SPMIP2: variants seen among roughly 807,000 people sequenced by gnomAD.
The protein encoded by SPMIP2 is sperm microtubule inner protein 2.
At chr4:159,000,216 C>T in the SPMIP2 span, among the ~76,000 whole-genome samples, 241 of 152,048 alleles carry the variant, frequency 1.6e-3, 2 homozygotes, top group Non-Finnish European at 3.1e-3. Context: ...AAGTATGTCC[C>T]AAACATTTGC....
chr4:159,032,881 CA>C, the SPMIP2 span, among the ~76,000 whole-genome samples: 1 of 150,828 alleles, frequency 6.6e-6, no homozygotes, highest in Non-Finnish European at 1.5e-5. Context: ...GATGGACATG[CA>C]AAATAGTATA....
At chr4:158,915,352 T>A in the SPMIP2 span, 1 of 1,609,386 alleles carries the variant, frequency 6.2e-7, no homozygotes, top group Non-Finnish European at 8.5e-7. Flanking sequence ...ACATGAGGTT[T>A]TGGTTGCCTG....
the SPMIP2 span, among the ~76,000 whole-genome samples, chr4:158,967,364 TATC>T: frequency 6.6e-6 from 1 of 152,188 alleles, no homozygotes; most frequent in Admixed American, 6.5e-5. Context: ...CTTCTGGTGG[TATC>T]ATAAGACATA....
the SPMIP2 span, among the ~76,000 whole-genome samples, chr4:159,071,513 T>G: frequency 6.6e-6 from 1 of 152,140 alleles, no homozygotes; most frequent in African/African-American, 2.4e-5. Context: ...AGCGATTTCT[T>G]TTAAACAAAA....
chr4:159,006,911 CA>C, the SPMIP2 span, among the ~76,000 whole-genome samples: 3 of 152,086 alleles, frequency 2.0e-5, no homozygotes, highest in African/African-American at 7.2e-5. Context: ...AGGCAAAGCT[CA>C]AAAGAGAAGG....
the SPMIP2 span, among the ~76,000 whole-genome samples, chr4:159,006,400 A>G: frequency 6.6e-6 from 1 of 152,212 alleles, no homozygotes; most frequent in Non-Finnish European, 1.5e-5. Context: ...GGGAAAATGT[A>G]CCACACCCTG....
chr4:158,992,833 G>T, the SPMIP2 span, among the ~76,000 whole-genome samples: 2 of 152,198 alleles, frequency 1.3e-5, no homozygotes, highest in African/African-American at 2.4e-5. Flanking sequence ...TCTCATTCAT[G>T]AGGGAGGAGC....
chr4:159,082,236 G>A, the SPMIP2 span, among the ~76,000 whole-genome samples: 3 of 151,892 alleles, frequency 2.0e-5, no homozygotes, highest in Non-Finnish European at 4.4e-5. Context: ...TGGAAGCTGA[G>A]GCAGGAGAAT....
chr4:158,895,383 A>G, the SPMIP2 span, among the ~76,000 whole-genome samples: 1 of 152,220 alleles, frequency 6.6e-6, no homozygotes, highest in East Asian at 1.9e-4. Flanking sequence ...TCACATTCTC[A>G]ATATTGTTTA....
the SPMIP2 span, among the ~76,000 whole-genome samples, chr4:158,934,559 C>T: frequency 6.6e-6 from 1 of 152,098 alleles, no homozygotes; most frequent in African/African-American, 2.4e-5. Context: ...GTATCTGACC[C>T]ATAGTAAAAA....
At chr4:159,060,401 C>G in the SPMIP2 span, among the ~76,000 whole-genome samples, 1 of 152,158 alleles carries the variant, frequency 6.6e-6, no homozygotes, top group South Asian at 2.1e-4. Flanking sequence ...AGCCCTGGAC[C>G]TGGCTGTTAA....
chr4:158,986,220 T>G, the SPMIP2 span, among the ~76,000 whole-genome samples: 1 of 151,826 alleles, frequency 6.6e-6, no homozygotes, highest in Non-Finnish European at 1.5e-5. Context: ...CAAGGTAATT[T>G]ATAGATTCAG....
the SPMIP2 span, among the ~76,000 whole-genome samples, chr4:158,918,506 C>G: frequency 6.6e-6 from 1 of 152,196 alleles, no homozygotes; most frequent in East Asian, 1.9e-4. Flanking sequence ...GCAAATGTCA[C>G]CTTTTCTTTA....
the SPMIP2 span, among the ~76,000 whole-genome samples, chr4:158,949,430 A>G: frequency 6.6e-6 from 1 of 152,224 alleles, no homozygotes; most frequent in Non-Finnish European, 1.5e-5. Context: ...AATCCAGTGG[A>G]GTAGATTCTG....
chr4:158,973,885 T>C, the SPMIP2 span, among the ~76,000 whole-genome samples: 1 of 143,478 alleles, frequency 7.0e-6, no homozygotes, highest in Non-Finnish European at 1.5e-5. Flanking sequence ...ATTTGGGAGA[T>C]GGAGGTAAGA....
chr4:158,921,009 A>T, the SPMIP2 span, among the ~76,000 whole-genome samples: 3 of 152,154 alleles, frequency 2.0e-5, no homozygotes, highest in African/African-American at 7.2e-5. Context: ...TTCTGTTTAT[A>T]CTCTTTCTCT....
chr4:158,973,276 G>A, the SPMIP2 span: 3 of 1,613,546 alleles, frequency 1.9e-6, no homozygotes, highest in Non-Finnish European at 2.5e-6. Flanking sequence ...GTGTGCTGAT[G>A]AATTTTGGGT....
At chr4:158,994,428 A>G in the SPMIP2 span, among the ~76,000 whole-genome samples, 1 of 152,344 alleles carries the variant, frequency 6.6e-6, no homozygotes, top group South Asian at 2.1e-4. Flanking sequence ...ACTTAAGTGT[A>G]AGGTCAGAGG....
the SPMIP2 span, among the ~76,000 whole-genome samples, chr4:159,042,317 G>A: frequency 6.6e-6 from 1 of 152,208 alleles, no homozygotes; most frequent in African/African-American, 2.4e-5. Context: ...TGCTCTGTAA[G>A]TTTTGACTTG....
Sources: gnomAD v4.1 joint callset for allele counts (sites outside exome capture counted in the v4.1 genomes callset) on GRCh38, gnomAD v4.1.1 for gene constraint, MANE v1.5 for transcripts, NCBI Gene and HGNC (gene_info 2026-07-23, HGNC 2026-07-21) for gene names.